The following XKR4 variants were observed in gnomAD, a reference collection of about 807,000 sequenced individuals.
XKR4 encodes the protein XK related 4.
A neutral mutation model predicts 53.9 loss-of-function variants in XKR4; 12 were observed. The ratio of observed to expected loss-of-function variants is 0.22; its 90% CI spans 0.14 to 0.36. XKR4 has a LOEUF of 0.36. XKR4 is among the 10% of genes least tolerant of loss of function. XKR4 has a pLI of 1.00. For missense variants in XKR4, 799 were observed against 859.5 expected (o/e 0.93, Z 0.88); for synonymous variants, 354 against 362.4 (o/e 0.98, Z 0.26).
chr8:55,208,134 A>G (rs1174211664), intron 1 of XKR4, among the ~76,000 whole-genome samples: 3 of 152,216 alleles, frequency 2.0e-5, no homozygotes, highest in Non-Finnish European at 4.4e-5. Flanking sequence ...CAAATAATTA[A>G]CATATTCTTC....
At chr8:55,186,589 G>C (rs1052145130) in intron 1 of XKR4, among the ~76,000 whole-genome samples, 1 of 152,170 alleles carries the variant, frequency 6.6e-6, no homozygotes, top group Non-Finnish European at 1.5e-5. Flanking sequence ...CCAGGAGGCA[G>C]AGTTTGCAGT....
intron 2 of XKR4, among the ~76,000 whole-genome samples, chr8:55,399,110 A>G (rs1453160005): frequency 2.0e-5 from 3 of 152,242 alleles, no homozygotes; most frequent in African/African-American, 7.2e-5. Context: ...GGTTTATCAC[A>G]AAGAAAAAGA....
intron 1 of XKR4, among the ~76,000 whole-genome samples, chr8:55,242,960 T>C (rs1251622514): frequency 6.6e-6 from 1 of 152,248 alleles, no homozygotes; most frequent in Non-Finnish European, 1.5e-5. Context: ...TTAATAAAAC[T>C]AATACCTGGG....
At chr8:55,226,479 C>T (rs1585951399) in intron 1 of XKR4, among the ~76,000 whole-genome samples, 1 of 152,158 alleles carries the variant, frequency 6.6e-6, no homozygotes, top group South Asian at 2.1e-4. Flanking sequence ...TTTTTACACT[C>T]AATGTCCAGG....
chr8:55,176,746 C>T (rs916462740), intron 1 of XKR4, among the ~76,000 whole-genome samples: 1 of 151,988 alleles, frequency 6.6e-6, no homozygotes, highest in African/African-American at 2.4e-5. Context: ...AAATTTCTCC[C>T]ACAAAATAGC....
chr8:55,297,062 A>G (rs1819111061), intron 1 of XKR4, among the ~76,000 whole-genome samples: 1 of 151,952 alleles, frequency 6.6e-6, no homozygotes, highest in African/African-American at 2.4e-5. Flanking sequence ...ACATTTCAAA[A>G]GCCTATTCTG....
intron 2 of XKR4, among the ~76,000 whole-genome samples, chr8:55,461,740 A>AAT (rs1805661507): frequency 6.6e-6 from 1 of 152,244 alleles, no homozygotes; most frequent in Non-Finnish European, 1.5e-5. Context: ...AAATTAGACG[A>AAT]ATGGATAACT....
chr8:55,305,194 C>T (rs558644167), intron 1 of XKR4, among the ~76,000 whole-genome samples: 1 of 152,190 alleles, frequency 6.6e-6, no homozygotes, highest in Admixed American at 6.5e-5. Context: ...AATTCAATTC[C>T]TTGCAACACT....
intron 1 of XKR4, among the ~76,000 whole-genome samples, chr8:55,229,670 G>T (rs899875359): frequency 6.6e-6 from 1 of 152,118 alleles, no homozygotes; most frequent in African/African-American, 2.4e-5. Flanking sequence ...TTCTGTCACG[G>T]ATGTATTACT....
chr8:55,476,255 C>T (rs1256785268), intron 2 of XKR4, among the ~76,000 whole-genome samples: 1 of 151,922 alleles, frequency 6.6e-6, no homozygotes, highest in Non-Finnish European at 1.5e-5. Flanking sequence ...TCATGTGTGA[C>T]ATGAAGGAAA....
In XKR4 at chr8:55,112,562, GTTTTTTTTTTTTT is replaced by G. The variant is rs761779642; in HGVS notation, c.806+9282_806+9294del. Reference sequence around the variant, plus strand: ...TGGGGCTGAATTCTTTACTTTTCAGGTTTTTTTTTTTTTTTTTTTTTTTTTTAGGGAGCAGAGA... The same window carrying G: ...TGGGGCTGAATTCTTTACTTTTCAGGTTTTTTTTTTTTTAGGGAGCAGAGA... On this transcript the variant is annotated intron_variant, in intron 1 of 2. Transcript: ENST00000327381. Among the ~76,000 whole-genome samples the G allele has an allele frequency of 1.1e-3, 88 of 77,216 alleles. 2 individuals carry two copies. Among genetic ancestry groups the G allele is most frequent in the African/African-American group, 4.2e-3 (81 of 19,416 alleles). The allele number at this position is 77,216 out of a possible 152,430, so 50.7% of individuals were successfully genotyped here.
intron 1 of XKR4, among the ~76,000 whole-genome samples, chr8:55,242,696 C>A (rs925987921): frequency 6.6e-6 from 1 of 151,932 alleles, no homozygotes; most frequent in African/African-American, 2.4e-5. Context: ...CACCCCACAG[C>A]GGGATGTTGA....
chr8:55,495,057 C>T (rs948278585), intron 2 of XKR4, among the ~76,000 whole-genome samples: 2 of 152,178 alleles, frequency 1.3e-5, no homozygotes, highest in Admixed American at 6.5e-5. Context: ...CCTGCTTGGC[C>T]TCCCTCCCAC....
rs1027119181 is a variant in XKR4 at position 55,420,692 on chromosome 8, G to A, written c.1006+62815G>A. ...GGAGATATACCTAATGCTAGATGAC[G>A]AGTTAGTGGGTGCAGCGCACCAGCA... On this transcript the variant is annotated intron_variant, in intron 2 of 2. Transcript: ENST00000327381. Among the ~76,000 whole-genome samples the A allele has an allele frequency of 5.3e-5, 8 of 151,348 alleles. No homozygotes were observed. In the East Asian group the frequency reaches 7.8e-4, roughly 15 times the overall value.
At chr8:55,217,658 T>C (rs548804300) in intron 1 of XKR4, among the ~76,000 whole-genome samples, 18 of 152,330 alleles carry the variant, frequency 1.2e-4, no homozygotes, top group Admixed American at 9.8e-4. Flanking sequence ...TAAAAAGAGT[T>C]GTGGATACAG....
chr8:55,128,374 C>G (rs897619471), intron 1 of XKR4, among the ~76,000 whole-genome samples: 11 of 152,176 alleles, frequency 7.2e-5, no homozygotes, highest in East Asian at 3.9e-4. Flanking sequence ...AGTCTCAGCT[C>G]TCATGCACAT....
intron 1 of XKR4, among the ~76,000 whole-genome samples, chr8:55,116,427 C>A (rs559203068): frequency 6.6e-6 from 1 of 152,236 alleles, no homozygotes; most frequent in African/African-American, 2.4e-5. Context: ...CTGAGGCCCA[C>A]AAGGCACAGG....
At chr8:55,184,083 C>T (rs1046953729) in intron 1 of XKR4, among the ~76,000 whole-genome samples, 3 of 152,028 alleles carry the variant, frequency 2.0e-5, no homozygotes, top group Non-Finnish European at 4.4e-5. Flanking sequence ...CAGGGCTTCT[C>T]CCTTTTTGAT....
rs559177408 is a variant in XKR4 at position 55,102,343 on chromosome 8, G to A, written c.-146G>A. 2.8e-6 allele frequency: 3 copies of A among 1,073,896 alleles called. No individual in the cohort carries two copies. The highest frequency in any genetic ancestry group is 2.3e-6 in the Non-Finnish European group (2 of 871,572). 66.5% of individuals were successfully genotyped at this position (1,073,896 alleles called of 1,614,324 possible). A position where few individuals can be genotyped will look rare whatever the true frequency, so the allele number is the denominator to read the frequency against. ...CGGCGGGCGGCGGGCGGCGGCGGAC[G>A]GCAGGCGAGCCGACGCAGGAGCAGG... On this transcript the variant is annotated 5_prime_UTR_variant, in exon 1 of 3. Transcript: ENST00000327381. The surrounding 1 kb of genome is among the most constrained non-coding windows in gnomAD (Gnocchi z 5.1).
Sources: allele counts gnomAD v4.1 joint callset (sites outside exome capture counted in the v4.1 genomes callset), GRCh38; gene constraint gnomAD v4.1.1; non-coding constraint Gnocchi (gnomAD v3.1); transcripts MANE v1.5; gene names NCBI Gene and HGNC (gene_info 2026-07-23, HGNC 2026-07-21).